RBFOX3: variants seen among roughly 807,000 people sequenced by gnomAD.
RBFOX3 encodes RNA binding fox-1 homolog 3.
Under a neutral mutation model 48.7 loss-of-function variants are expected in RBFOX3, and 17 were observed. That is an observed-to-expected ratio of 0.35 (90% CI 0.24 to 0.52). RBFOX3 has a LOEUF of 0.52. Among genes scored for constraint, RBFOX3 ranks in the 20% least tolerant of loss-of-function variants. The probability of loss-of-function intolerance (pLI) is 0.94; values close to 1 mark genes in which losing one functional copy is unlikely to be tolerated. For missense variants in RBFOX3, 382 were observed against 497.5 expected, an observed-to-expected ratio of 0.77 and a Z score of 2.21; for synonymous variants, 212 against 209.5, an observed-to-expected ratio of 1.01 and a Z score of -0.10.
At chr17:79,113,832 TG>T (rs2032939462) in intron 5 of RBFOX3, among the ~76,000 whole-genome samples, 2 of 152,160 alleles carry the variant, frequency 1.3e-5, no homozygotes, top group African/African-American at 2.4e-5. Context: ...ATTCAGTGCC[TG>T]GAACACGGCA....
intron 2 of RBFOX3, among the ~76,000 whole-genome samples, chr17:79,384,019 A>G (rs1291104834): frequency 6.6e-6 from 1 of 152,190 alleles, no homozygotes; most frequent in Non-Finnish European, 1.5e-5. Flanking sequence ...CCAGGCTTTC[A>G]AAGGTCAGAC....
intron 2 of RBFOX3, among the ~76,000 whole-genome samples, chr17:79,408,941 A>G (rs2063908362): frequency 3.3e-5 from 5 of 152,146 alleles, no homozygotes; most frequent in Admixed American, 3.3e-4. Flanking sequence ...AAAACATTCC[A>G]TCACGCCAAC....
Position 79,391,617 on chromosome 17 carries a change from G to A in RBFOX3, c.-174-83793C>T, listed in dbSNP as rs866156655. On this transcript the variant is annotated intron_variant, in intron 2 of 14. Coordinates refer to ENST00000693108, the MANE Select transcript of RBFOX3 (RefSeq NM_001350451.2). The surrounding 1 kb of genome is among the most constrained non-coding windows in gnomAD (Gnocchi z 5.0). ...TTTAGTTTTAGGAATGAAGAAATGA[G>A]GCCCAGTGAGGTACATGTACACGTG... is the stretch of plus-strand genomic sequence containing the variant. Among the ~76,000 whole-genome samples, 2 of 152,192 alleles carry A rather than the reference G, an allele frequency of 1.3e-5. No homozygotes were observed. Among genetic ancestry groups the A allele is most frequent in the African/African-American group, 4.8e-5 (2 of 41,444 alleles).
chr17:79,393,889 A>T (rs1230972726), intron 2 of RBFOX3, among the ~76,000 whole-genome samples: 1 of 150,788 alleles, frequency 6.6e-6, no homozygotes, highest in Non-Finnish European at 1.5e-5. Context: ...TGAGCCATTC[A>T]TCGCACACAT....
At chr17:79,576,292 T>C (rs1337867451) in intron 1 of RBFOX3, among the ~76,000 whole-genome samples, 1 of 152,170 alleles carries the variant, frequency 6.6e-6, no homozygotes, top group Non-Finnish European at 1.5e-5. Flanking sequence ...GATGGAGATA[T>C]GGGGATGGAG....
chr17:79,398,347 G>A (rs1402836000), intron 2 of RBFOX3, among the ~76,000 whole-genome samples: 1 of 152,204 alleles, frequency 6.6e-6, no homozygotes, highest in Non-Finnish European at 1.5e-5. Context: ...AAGTGGGAAA[G>A]GGTGAAGGTG....
chr17:79,354,701 C>T (rs2084631559), intron 2 of RBFOX3, among the ~76,000 whole-genome samples: 1 of 152,260 alleles, frequency 6.6e-6, no homozygotes, highest in Non-Finnish European at 1.5e-5. Flanking sequence ...GAGGAGCCCT[C>T]AGGAGGGTTT....
chr17:79,574,049 G>A (rs2092775939), intron 1 of RBFOX3, among the ~76,000 whole-genome samples: 1 of 152,246 alleles, frequency 6.6e-6, no homozygotes, highest in Non-Finnish European at 1.5e-5. Flanking sequence ...GGCCCTCAAG[G>A]GAGCAGGTCA....
rs2088542939 is a variant in RBFOX3 at position 79,535,399 on chromosome 17, C to G, written c.-319-52801G>C. On this transcript the variant is annotated intron_variant, in intron 1 of 14. Transcript: ENST00000693108. The surrounding 1 kb of genome is among the most constrained non-coding windows in gnomAD (Gnocchi z 4.5). ...CCAGAAGTCAGCCCACCAGCAAGGC[C>G]TCTCTCCAGCAAAGCTCATTCCTAC... 6.6e-6 allele frequency among the ~76,000 whole-genome samples: 1 copy of G among 152,214 alleles called. No homozygotes were observed. Among genetic ancestry groups the G allele is most frequent in the African/African-American group, 2.4e-5 (1 of 41,458 alleles).
intron 4 of RBFOX3, among the ~76,000 whole-genome samples, chr17:79,147,564 G>A (rs1033468416): frequency 6.6e-6 from 1 of 152,148 alleles, no homozygotes; most frequent in Admixed American, 6.5e-5. Context: ...GAGGGGGGGG[G>A]CTCACCTTCT....
the RBFOX3 span, among the ~76,000 whole-genome samples, chr17:79,646,223 A>T: frequency 6.6e-6 from 1 of 152,150 alleles, no homozygotes; most frequent in Admixed American, 6.5e-5. Flanking sequence ...ACACACTGAG[A>T]CCCAGGGTAT....
At chr17:79,486,178 T>C (rs1226514674) in intron 1 of RBFOX3, among the ~76,000 whole-genome samples, 1 of 151,830 alleles carries the variant, frequency 6.6e-6, no homozygotes, top group Non-Finnish European at 1.5e-5. Flanking sequence ...CCGGCAGGGT[T>C]GGGAGCGTAG....
chr17:79,149,174 G>A (rs2043741983), intron 4 of RBFOX3, among the ~76,000 whole-genome samples: 4 of 152,234 alleles, frequency 2.6e-5, no homozygotes, highest in South Asian at 2.1e-4. Context: ...TGCGACGTCT[G>A]TGCTATTATT....
intron 4 of RBFOX3, among the ~76,000 whole-genome samples, chr17:79,175,265 T>C (rs1260915485): frequency 1.3e-5 from 2 of 152,246 alleles, no homozygotes; most frequent in Non-Finnish European, 2.9e-5. Context: ...CCAACTGGCA[T>C]CCTCGCTCTT....
rs2077113631 is a variant in RBFOX3, at chr17:79,471,902, A to G, written c.-175+10552T>C. On this transcript the variant is annotated intron_variant, in intron 2 of 14. Transcript: ENST00000693108. This position sits in a 1 kb window ranked among gnomAD's most constrained non-coding sequence, Gnocchi z 4.0. ...CGACTAAATCTCCACCAAGCACATT[A>G]TATCAAATACGCCTCAGGAAAACCC... Among the ~76,000 whole-genome samples, 1 of 152,230 alleles carries G rather than the reference A, an allele frequency of 6.6e-6. No individual in the cohort carries two copies. Among genetic ancestry groups the G allele is most frequent in the South Asian group, 2.1e-4 (1 of 4,830 alleles).
At chr17:79,356,350 T>TG (rs2085020513) in intron 2 of RBFOX3, among the ~76,000 whole-genome samples, 2 of 15,512 alleles carry the variant, frequency 1.3e-4, no homozygotes, top group African/African-American at 6.8e-4. Flanking sequence ...ACAGGGAAGT[T>TG]TTTTTTTTTT....
At chr17:79,415,814 G>A (rs2065257992) in intron 2 of RBFOX3, among the ~76,000 whole-genome samples, 1 of 152,128 alleles carries the variant, frequency 6.6e-6, no homozygotes, top group Non-Finnish European at 1.5e-5. Context: ...TCTGCAAATG[G>A]CAGCCTGCAT....
At chr17:79,353,159 C>T (rs1568094763) in intron 2 of RBFOX3, among the ~76,000 whole-genome samples, 2 of 152,364 alleles carry the variant, frequency 1.3e-5, no homozygotes, top group South Asian at 2.1e-4. Context: ...AACAACCTCG[C>T]CCTGAACAGC....
chr17:79,247,767 G>C (rs1278008569), intron 3 of RBFOX3, among the ~76,000 whole-genome samples: 3 of 152,216 alleles, frequency 2.0e-5, no homozygotes, highest in Non-Finnish European at 4.4e-5. Context: ...CCCTGGCTGT[G>C]CTTGGAACTT....
Sources: allele counts gnomAD v4.1 joint callset (sites outside exome capture counted in the v4.1 genomes callset), GRCh38; gene constraint gnomAD v4.1.1; non-coding constraint Gnocchi (gnomAD v3.1); transcripts MANE v1.5; gene names NCBI Gene and HGNC (gene_info 2026-07-23, HGNC 2026-07-21).